The following OSTC variants were observed in gnomAD, a reference collection of about 807,000 sequenced individuals.
OSTC encodes oligosaccharyltransferase complex subunit OSTC.
OSTC carries 16 observed loss-of-function variants against 16.4 expected under a neutral mutation model. The observed-to-expected ratio is 0.98, with a 90% CI of 0.66 to 1.49. The LOEUF is 1.49. OSTC is among the 40% of genes most tolerant of loss of function. The probability of loss-of-function intolerance (pLI) is 0.00; values close to 1 mark genes in which losing one functional copy is unlikely to be tolerated. For missense variants in OSTC, 139 were observed against 186.3 expected, an observed-to-expected ratio of 0.75 and a Z score of 1.48; for synonymous variants, 67 against 68.5, an observed-to-expected ratio of 0.98 and a Z score of 0.11.
Position 108,657,578 on chromosome 4 carries a change from T to G in OSTC, c.362T>G (p.Leu121Arg). ...NIPKLNRFLL[L>R]FIGFVCVLLS... ...CCAAAACTCAATAGATTCCTTCTTCTGTTCATTGGATTCGTCTGTGTCCTA... is the reference window on the plus strand; with the variant it reads ...CCAAAACTCAATAGATTCCTTCTTCGGTTCATTGGATTCGTCTGTGTCCTA... The change falls in exon 3 of 4, where the codon CTG becomes CGG. Residue 121 changes from leucine (L) to arginine (R), a missense_variant. Leu to Arg is a moderately radical substitution (Grantham distance 102, BLOSUM62 -2). Coordinates refer to ENST00000361564, the MANE Select transcript of OSTC (RefSeq NM_021227.4). 2 of 1,613,828 alleles carry G rather than the reference T, an allele frequency of 1.2e-6. No individual in the cohort carries two copies. The highest frequency in any genetic ancestry group is 1.7e-6 in the Non-Finnish European group (2 of 1,179,788).
intron 1 of OSTC, among the ~76,000 whole-genome samples, chr4:108,653,593 T>G (rs974420633): frequency 1.3e-5 from 2 of 152,142 alleles, no homozygotes; most frequent in African/African-American, 2.4e-5. Context: ...ATCTTACAGG[T>G]TTCTGGTTTG....
intron 1 of OSTC, 143 bp from the exon 2 acceptor site, chr4:108,655,421 G>T (rs574742853): frequency 2.0e-6 from 1 of 490,830 alleles, no homozygotes; most frequent in South Asian, 3.1e-5. Context: ...AAGCCAAGTG[G>T]CGCCACTGCA....
chr4:108,659,724 G>A (rs1177447329), intron 3 of OSTC, among the ~76,000 whole-genome samples: 5 of 152,076 alleles, frequency 3.3e-5, no homozygotes, highest in African/African-American at 4.8e-5. Context: ...AGCCAAGATC[G>A]TGCCACTGCA....
chr4:108,662,221 G>A (rs1726874888), intron 3 of OSTC, among the ~76,000 whole-genome samples: 1 of 152,118 alleles, frequency 6.6e-6, no homozygotes, highest in African/African-American at 2.4e-5. Context: ...CTCTTAAAGG[G>A]AGAAAGGAAT....
intron 3 of OSTC, among the ~76,000 whole-genome samples, chr4:108,658,425 T>TTTTGTGTG (rs139808647): frequency 0.014 from 2,056 of 150,032 alleles, 20 homozygotes; most frequent in Non-Finnish European, 0.022. Flanking sequence ...ATTTATATAT[T>TTTTGTGTG]TGTGTGTGTG....
rs773291437 is a variant in OSTC, at chr4:108,650,662, A to C, written c.7A>C (p.Thr3Pro). The C allele has an allele frequency of 1.2e-6, 2 of 1,613,656 alleles. No homozygotes were observed. Among genetic ancestry groups the C allele is most frequent in the Non-Finnish European group, 1.7e-6 (2 of 1,179,944 alleles). METLYRVPFLVLE... is the reference protein window; with the variant it reads MEPLYRVPFLVLE... The stretch of plus-strand genomic sequence containing the variant: ...GGCCCTTGCTGCCACCAACATGGAG[A>C]CTTTGTACCGTGTCCCGTTCTTAGT... The change falls in exon 1 of 4, where the codon ACT (threonine) becomes CCT (proline). Residue 3 changes from threonine (T) to proline (P), a missense_variant. Transcript: ENST00000361564.
intron 1 of OSTC, among the ~76,000 whole-genome samples, chr4:108,652,477 G>T (rs1450723193): frequency 6.6e-6 from 1 of 152,012 alleles, no homozygotes; most frequent in African/African-American, 2.4e-5. Flanking sequence ...TTGCTTTTTA[G>T]TGGCCAGGTC....
At position 108,657,917 on chromosome 4, in the gene OSTC, C is replaced by CTTTTTTTTTTTTT. The variant is rs70949037; in HGVS notation, c.431+288_431+300dup. ...CAATGACTGAAGATAGTCATTGTTT[C>CTTTTTTTTTTTTT]TTTTTTTTTTTTTTTTTTTTTTTTT... is the stretch of plus-strand genomic sequence containing the variant. On this transcript the variant is annotated intron_variant, in intron 3 of 3. Coordinates refer to ENST00000361564, the MANE Select transcript of OSTC (RefSeq NM_021227.4). Among the ~76,000 whole-genome samples the CTTTTTTTTTTTTT allele has an allele frequency of 2.4e-4, 16 of 67,202 alleles. 3 individuals carry two copies. Among genetic ancestry groups the CTTTTTTTTTTTTT allele is most frequent in the African/African-American group, 7.4e-4 (12 of 16,264 alleles). The allele number at this position is 67,202 out of a possible 152,430, so 44.1% of individuals were successfully genotyped here.
intron 3 of OSTC, among the ~76,000 whole-genome samples, chr4:108,665,713 C>T (rs1159141988): frequency 4.0e-5 from 6 of 151,896 alleles, no homozygotes; most frequent in Admixed American, 3.3e-4. Flanking sequence ...GCGTCTGTCA[C>T]CACGCCCAGC....
At chr4:108,650,855 C>T in intron 1 of OSTC, 61 bp downstream of exon 1, 7 of 1,609,386 alleles carry the variant, frequency 4.3e-6, no homozygotes, top group Non-Finnish European at 5.9e-6. Flanking sequence ...CCCCGGGAGG[C>T]GCGTCTGTTC....
intron 3 of OSTC, among the ~76,000 whole-genome samples, chr4:108,665,992 T>G (rs892438859): frequency 6.6e-6 from 1 of 152,194 alleles, no homozygotes; most frequent in Non-Finnish European, 1.5e-5. Flanking sequence ...AACACCAGAT[T>G]TAATGCTTTA....
In OSTC at chr4:108,657,917, C is replaced by CTTTTTTTTTTTTTTTTT. The variant is rs70949037; in HGVS notation, c.431+284_431+300dup. ...CAATGACTGAAGATAGTCATTGTTT[C>CTTTTTTTTTTTTTTTTT]TTTTTTTTTTTTTTTTTTTTTTTTT... On this transcript the variant is annotated intron_variant, in intron 3 of 3. Transcript: ENST00000361564. Among the ~76,000 whole-genome samples the CTTTTTTTTTTTTTTTTT allele has an allele frequency of 6.0e-5, 4 of 67,202 alleles. 1 individual carries two copies. Among genetic ancestry groups the CTTTTTTTTTTTTTTTTT allele is most frequent in the African/African-American group, 2.5e-4 (4 of 16,264 alleles). The allele number at this position is 67,202 out of a possible 152,430, so 44.1% of individuals were successfully genotyped here.
intron 3 of OSTC, among the ~76,000 whole-genome samples, chr4:108,665,540 G>GTTTTA: frequency 9.4e-6 from 1 of 106,464 alleles, no homozygotes; most frequent in African/African-American, 3.9e-5. Context: ...TTTGTGTTTT[G>GTTTTA]TTTTGTTTTG....
Position 108,657,571 on chromosome 4 carries a change from C to T in OSTC, c.355C>T (p.Leu119Phe). ...AAATATCCCAAAACTCAATAGATTC[C>T]TTCTTCTGTTCATTGGATTCGTCTG... ...APNIPKLNRF[L>F]LLFIGFVCVL... is the part of the protein sequence containing the mutation. Residue 119 changes from leucine to phenylalanine, a missense_variant, in exon 3 of 4, where the codon CTT (leucine) becomes TTT (phenylalanine). Coordinates refer to ENST00000361564, the MANE Select transcript of OSTC (RefSeq NM_021227.4). 6.2e-7 allele frequency: 1 copy of T among 1,613,708 alleles called. No homozygotes were observed. Among genetic ancestry groups the T allele is most frequent in the Non-Finnish European group, 8.5e-7 (1 of 1,179,752 alleles).
rs568634371 is a variant in OSTC, at chr4:108,654,973, T to C, written c.140-591T>C. On this transcript the variant is annotated intron_variant, in intron 1 of 3. Transcript: ENST00000361564. ...AGCCTTTAGTTTTAAATCCCCTTTA[T>C]ACTAAAGTCATTCCTGAGTATTAGC... Among the ~76,000 whole-genome samples, 26 of 152,370 alleles carry C rather than the reference T, an allele frequency of 1.7e-4. 1 individual carries two copies. The South Asian group carries it at 5.0e-3, about 29-fold the overall frequency.
intron 3 of OSTC, among the ~76,000 whole-genome samples, chr4:108,658,425 T>TGTGTG (rs1726767089): frequency 6.7e-6 from 1 of 149,936 alleles, no homozygotes; most frequent in Non-Finnish European, 1.5e-5. Context: ...ATTTATATAT[T>TGTGTG]TGTGTGTGTG....
chr4:108,660,112 T>C (rs1392181658), intron 3 of OSTC, among the ~76,000 whole-genome samples: 2 of 152,228 alleles, frequency 1.3e-5, no homozygotes, highest in African/African-American at 4.8e-5. Flanking sequence ...ACATTTGTCT[T>C]CCTGTCCACA....
At chr4:108,661,920 A>G (rs952405707) in intron 3 of OSTC, among the ~76,000 whole-genome samples, 1 of 152,182 alleles carries the variant, frequency 6.6e-6, no homozygotes, top group Non-Finnish European at 1.5e-5. Context: ...CTTAAAAAAA[A>G]TAAAAATAAA....
At chr4:108,664,151 A>G in intron 3 of OSTC, among the ~76,000 whole-genome samples, 1 of 149,338 alleles carries the variant, frequency 6.7e-6, no homozygotes, top group East Asian at 1.9e-4. Context: ...GTATCTCCCA[A>G]ATTGTCCTTA....
Sources: allele counts gnomAD v4.1 joint callset (sites outside exome capture counted in the v4.1 genomes callset), GRCh38; gene constraint gnomAD v4.1.1; transcripts MANE v1.5; gene names NCBI Gene and HGNC (gene_info 2026-07-23, HGNC 2026-07-21).